TRIM2: variants seen among roughly 807,000 people sequenced by gnomAD.
The protein encoded by TRIM2 is tripartite motif-containing protein 2.
Under a neutral mutation model 75.2 loss-of-function variants are expected in TRIM2, and 20 were observed. The observed-to-expected ratio is 0.27, with a 90% CI of 0.19 to 0.39. The LOEUF is 0.39. Among genes scored for constraint, TRIM2 ranks in the 10% least tolerant of loss-of-function variants. The pLI is 1.00. For synonymous variants in TRIM2, 373 were observed against 388.3 expected, an observed-to-expected ratio of 0.96 and a Z score of 0.46; for missense variants, 660 against 990.8, an observed-to-expected ratio of 0.67 and a Z score of 4.48.
intron 1 of TRIM2, among the ~76,000 whole-genome samples, chr4:153,222,009 AGG>A (rs1740549153): frequency 1.0e-5 from 1 of 96,296 alleles, no homozygotes. Flanking sequence ...GAAGGAAAGA[AGG>A]AAGGAAAGAG....
chr4:153,334,351 T>C (rs992984727), intron 11 of TRIM2, among the ~76,000 whole-genome samples: 1 of 151,444 alleles, frequency 6.6e-6, no homozygotes, highest in Non-Finnish European at 1.5e-5. Flanking sequence ...CATAGATGGA[T>C]AGATGATTAC....
At chr4:153,249,673 C>T (rs981856703) in intron 1 of TRIM2, among the ~76,000 whole-genome samples, 1 of 152,134 alleles carries the variant, frequency 6.6e-6, no homozygotes, top group Non-Finnish European at 1.5e-5. Flanking sequence ...GCTCAGTCGC[C>T]CACGGAGACT....
At chr4:153,171,393 C>T (rs1432952002) in intron 1 of TRIM2, among the ~76,000 whole-genome samples, 1 of 152,092 alleles carries the variant, frequency 6.6e-6, no homozygotes, top group Non-Finnish European at 1.5e-5. Flanking sequence ...CCAGACCAGC[C>T]TGACCAACAT....
chr4:153,172,668 C>T (rs1731006316), intron 1 of TRIM2, among the ~76,000 whole-genome samples: 1 of 152,176 alleles, frequency 6.6e-6, no homozygotes, highest in South Asian at 2.1e-4. Flanking sequence ...TATCCCAGTG[C>T]CCTGTCTGCT....
intron 2 of TRIM2, among the ~76,000 whole-genome samples, chr4:153,271,125 A>G (rs938064381): frequency 2.0e-5 from 3 of 152,228 alleles, no homozygotes; most frequent in African/African-American, 4.8e-5. Flanking sequence ...GGCGTTAATC[A>G]GTTATCAAAA....
intron 6 of TRIM2, among the ~76,000 whole-genome samples, chr4:153,309,468 T>C (rs1765764487): frequency 6.6e-6 from 1 of 152,192 alleles, no homozygotes; most frequent in Non-Finnish European, 1.5e-5. Context: ...ATGGGGGTTG[T>C]AATTTACTCA....
intron 4 of TRIM2, 104 bp from the exon 5 acceptor site, chr4:153,294,201 G>A: frequency 8.6e-7 from 1 of 1,157,672 alleles, no homozygotes. Context: ...TTTTAAAGAT[G>A]ATGAAAGGCA....
intron 1 of TRIM2, among the ~76,000 whole-genome samples, chr4:153,239,436 T>C (rs1481253668): frequency 6.6e-6 from 1 of 152,124 alleles, no homozygotes; most frequent in East Asian, 1.9e-4. Context: ...TCTCTCTCTC[T>C]CTCTCTGCCT....
intron 1 of TRIM2, among the ~76,000 whole-genome samples, chr4:153,182,765 G>A (rs1386875295): frequency 6.6e-6 from 1 of 152,124 alleles, no homozygotes; most frequent in Non-Finnish European, 1.5e-5. Context: ...GATTCTCCCA[G>A]CCCCGTCATT....
At chr4:153,221,421 C>A (rs1178600712) in intron 1 of TRIM2, among the ~76,000 whole-genome samples, 1 of 152,130 alleles carries the variant, frequency 6.6e-6, no homozygotes, top group African/African-American at 2.4e-5. Context: ...GAACGAGACC[C>A]TGTCTCAAAA....
chr4:153,256,270 G>T (rs1358305766), intron 1 of TRIM2, among the ~76,000 whole-genome samples: 1 of 152,204 alleles, frequency 6.6e-6, no homozygotes, highest in Non-Finnish European at 1.5e-5. Flanking sequence ...TGTATTCTCT[G>T]TGATCCCCCT....
At chr4:153,306,579 G>A (rs915108713) in intron 6 of TRIM2, among the ~76,000 whole-genome samples, 4 of 152,208 alleles carry the variant, frequency 2.6e-5, no homozygotes, top group African/African-American at 7.2e-5. Flanking sequence ...TGTAGTTCAA[G>A]AAGGAATAGA....
rs188695786 is a variant in TRIM2 at position 153,166,075 on chromosome 4, T to C, written c.-49+12805T>C. Among the ~76,000 whole-genome samples, 59 of 152,312 alleles carry C rather than the reference T, an allele frequency of 3.9e-4. No individual in the cohort carries two copies. The East Asian group carries it at 0.011, about 28-fold the overall frequency. On this transcript the variant is annotated intron_variant, in intron 1 of 11. Transcript: ENST00000437508. ...TTAATGCCGTTGAAATCTTTTCTTT[T>C]CAAACTTTCAATTTCCAAGGGCTCA...
intron 1 of TRIM2, among the ~76,000 whole-genome samples, chr4:153,246,520 A>T (rs923449495): frequency 6.6e-6 from 1 of 152,240 alleles, no homozygotes; most frequent in Non-Finnish European, 1.5e-5. Flanking sequence ...ATTATTTGAG[A>T]TTTAGTATCT....
intron 1 of TRIM2, among the ~76,000 whole-genome samples, chr4:153,207,053 C>G (rs1560814964): frequency 1.3e-5 from 2 of 152,004 alleles, no homozygotes; most frequent in South Asian, 4.2e-4. Flanking sequence ...CCATGCCCAG[C>G]CAATTGCAAG....
intron 8 of TRIM2, among the ~76,000 whole-genome samples, chr4:153,319,282 C>T (rs1330464617): frequency 2.0e-5 from 3 of 152,214 alleles, no homozygotes; most frequent in Non-Finnish European, 4.4e-5. Flanking sequence ...TGCCTCCTAT[C>T]TTCCAGCCCA....
chr4:153,233,875 G>A (rs1211157841), intron 1 of TRIM2, among the ~76,000 whole-genome samples: 2 of 152,144 alleles, frequency 1.3e-5, no homozygotes, highest in African/African-American at 4.8e-5. Flanking sequence ...TTTCTGCCAC[G>A]GAGGTATGAT....
At chr4:153,319,521 G>C (rs928257199) in intron 8 of TRIM2, among the ~76,000 whole-genome samples, 2 of 152,084 alleles carry the variant, frequency 1.3e-5, no homozygotes, top group Non-Finnish European at 2.9e-5. Context: ...CTGAGGTCAG[G>C]AGTTCAAGAC....
At chr4:153,182,420 C>T (rs924112430) in intron 1 of TRIM2, among the ~76,000 whole-genome samples, 1 of 152,210 alleles carries the variant, frequency 6.6e-6, no homozygotes, top group East Asian at 1.9e-4. Context: ...TCCACCTGCA[C>T]AGCTCACGCC....
Sources: gnomAD v4.1 joint callset for allele counts (sites outside exome capture counted in the v4.1 genomes callset) on GRCh38, gnomAD v4.1.1 for gene constraint, MANE v1.5 for transcripts, NCBI Gene and HGNC (gene_info 2026-07-23, HGNC 2026-07-21) for gene names.